SGCZ: variants seen among roughly 807,000 people sequenced by gnomAD.
SGCZ encodes the protein sarcoglycan zeta.
Under a neutral mutation model 41.3 loss-of-function variants are expected in SGCZ, and 40 were observed. The ratio of observed to expected loss-of-function variants is 0.97; its 90% CI spans 0.75 to 1.26. The LOEUF is 1.26. Ranked by LOEUF, SGCZ falls within the 50% of genes most tolerant of loss-of-function variation. The probability of loss-of-function intolerance (pLI) is 0.00; values close to 1 mark genes in which losing one functional copy is unlikely to be tolerated. For missense variants in SGCZ, 552 were observed against 369.8 expected, an observed-to-expected ratio of 1.49 and a Z score of -4.04; for synonymous variants, 206 against 137.5, an observed-to-expected ratio of 1.50 and a Z score of -3.49.
intron 4 of SGCZ, among the ~76,000 whole-genome samples, chr8:14,219,774 G>T (rs1279426288): frequency 1.3e-5 from 2 of 151,906 alleles, no homozygotes; most frequent in East Asian, 3.9e-4. Flanking sequence ...AATGAATTGT[G>T]CTATGAAGTT....
chr8:14,170,424 TA>T (rs1804343380), intron 4 of SGCZ, among the ~76,000 whole-genome samples: 1 of 152,074 alleles, frequency 6.6e-6, no homozygotes, highest in South Asian at 2.1e-4. Context: ...CCTAAAATAA[TA>T]ATATTAATAA....
At chr8:15,164,505 C>A (rs1290759971) in intron 1 of SGCZ, among the ~76,000 whole-genome samples, 1 of 151,982 alleles carries the variant, frequency 6.6e-6, no homozygotes, top group Non-Finnish European at 1.5e-5. Flanking sequence ...GTTTTACTCC[C>A]TAGGACAGTA....
chr8:14,742,933 A>G (rs1282922472), intron 1 of SGCZ, among the ~76,000 whole-genome samples: 2 of 152,094 alleles, frequency 1.3e-5, no homozygotes. Flanking sequence ...AAACCTTGAG[A>G]CTCAGTATGA....
intron 2 of SGCZ, among the ~76,000 whole-genome samples, chr8:14,343,290 C>T (rs1352083180): frequency 6.6e-6 from 1 of 152,166 alleles, no homozygotes; most frequent in Non-Finnish European, 1.5e-5. Flanking sequence ...CCTAGTGGAG[C>T]TGCAAGAAGA....
chr8:15,163,004 C>T (rs911094480), intron 1 of SGCZ, among the ~76,000 whole-genome samples: 4 of 152,156 alleles, frequency 2.6e-5, no homozygotes, highest in South Asian at 4.1e-4. Context: ...ACCTTCAAAA[C>T]ATTATTTTGA....
intron 1 of SGCZ, among the ~76,000 whole-genome samples, chr8:15,082,450 G>GTGTT (rs757838733): frequency 2.0e-5 from 3 of 151,038 alleles, no homozygotes; most frequent in African/African-American, 4.9e-5. Flanking sequence ...CTAAGTGTGT[G>GTGTT]TGTGTGTATA....
At chr8:14,319,338 G>C (rs1402435825) in intron 3 of SGCZ, 1 of 151,954 alleles carries the variant, frequency 6.6e-6, no homozygotes, top group East Asian at 1.9e-4. Context: ...AGTGAAGTGT[G>C]TTCACAAATC....
At chr8:14,795,355 T>A (rs942976339) in intron 1 of SGCZ, among the ~76,000 whole-genome samples, 1 of 152,222 alleles carries the variant, frequency 6.6e-6, no homozygotes, top group Non-Finnish European at 1.5e-5. Flanking sequence ...AATTCACTTA[T>A]AATGTATGAC....
intron 1 of SGCZ, among the ~76,000 whole-genome samples, chr8:14,596,653 G>A (rs1805422555): frequency 6.6e-6 from 1 of 152,032 alleles, no homozygotes; most frequent in African/African-American, 2.4e-5. Flanking sequence ...CCATGTGGGA[G>A]ACACACCAGG....
intron 1 of SGCZ, among the ~76,000 whole-genome samples, chr8:14,788,352 A>G (rs1483577419): frequency 1.3e-5 from 2 of 152,132 alleles, no homozygotes; most frequent in Non-Finnish European, 2.9e-5. Context: ...TAATTTCTCT[A>G]AGTGTTGGCT....
At chr8:15,184,772 C>G (rs1800286214) in intron 1 of SGCZ, among the ~76,000 whole-genome samples, 1 of 152,132 alleles carries the variant, frequency 6.6e-6, no homozygotes, top group South Asian at 2.1e-4. Context: ...TTGGTAATAT[C>G]GGGTGATGTT....
chr8:14,497,125 G>A (rs559729053), intron 2 of SGCZ, among the ~76,000 whole-genome samples: 2 of 152,138 alleles, frequency 1.3e-5, no homozygotes, highest in African/African-American at 4.8e-5. Flanking sequence ...TCTGTCAGGG[G>A]TTGTGTTAGT....
chr8:15,140,337 A>T (rs1808275306), intron 1 of SGCZ, among the ~76,000 whole-genome samples: 1 of 152,160 alleles, frequency 6.6e-6, no homozygotes, highest in Non-Finnish European at 1.5e-5. Context: ...TATAGAGCTT[A>T]TTTAGAGCTC....
chr8:14,472,923 T>A (rs1015627967), intron 2 of SGCZ, among the ~76,000 whole-genome samples: 1 of 152,168 alleles, frequency 6.6e-6, no homozygotes, highest in East Asian at 1.9e-4. Flanking sequence ...CCACAAAAGT[T>A]ACCCCCATCT....
At chr8:14,631,613 G>C (rs1360262688) in intron 1 of SGCZ, among the ~76,000 whole-genome samples, 1 of 152,082 alleles carries the variant, frequency 6.6e-6, no homozygotes, top group Non-Finnish European at 1.5e-5. Context: ...TATCTAATAA[G>C]TATGTCTCCC....
At chr8:15,046,935 C>G (rs1804328022) in intron 1 of SGCZ, among the ~76,000 whole-genome samples, 1 of 151,920 alleles carries the variant, frequency 6.6e-6, no homozygotes, top group Admixed American at 6.6e-5. Context: ...ACAGGAAAAA[C>G]TTTCAAAATT....
At chr8:14,651,156 C>A (rs374196777) in intron 1 of SGCZ, among the ~76,000 whole-genome samples, 1 of 151,752 alleles carries the variant, frequency 6.6e-6, no homozygotes, top group Non-Finnish European at 1.5e-5. Context: ...ATCATCTTGC[C>A]AATGTTTACA....
At chr8:14,838,079 T>C (rs1028887874) in intron 1 of SGCZ, among the ~76,000 whole-genome samples, 8 of 152,134 alleles carry the variant, frequency 5.3e-5, no homozygotes, top group African/African-American at 1.7e-4. Flanking sequence ...TTAAGTGAAA[T>C]AATCCAGGCA....
chr8:15,121,595 T>C (rs769148406), intron 1 of SGCZ, among the ~76,000 whole-genome samples: 1 of 152,258 alleles, frequency 6.6e-6, no homozygotes, highest in East Asian at 1.9e-4. Context: ...TATGCATATA[T>C]AACAATATGG....
Sources: allele counts gnomAD v4.1 joint callset (sites outside exome capture counted in the v4.1 genomes callset), GRCh38; gene constraint gnomAD v4.1.1; transcripts MANE v1.5; gene names NCBI Gene and HGNC (gene_info 2026-07-23, HGNC 2026-07-21).